GABRA3: variants seen among roughly 807,000 people sequenced by gnomAD.
The protein encoded by GABRA3 is gamma-aminobutyric acid type A receptor subunit alpha3, also known as gamma-aminobutyric acid receptor subunit alpha-3.
A neutral mutation model predicts 30.1 loss-of-function variants in GABRA3; 10 were observed. The observed-to-expected ratio is 0.33, with a 90% confidence interval of 0.20 to 0.56. GABRA3 has a LOEUF of 0.56. Among genes scored for constraint, GABRA3 ranks in the 20% least tolerant of loss-of-function variants. GABRA3 has a pLI of 0.89. For missense variants in GABRA3, 233 were observed against 392.0 expected (o/e 0.59, Z 3.42); for synonymous variants, 151 against 146.8 (o/e 1.03, Z -0.21).
chrX:152,347,432 G>A (rs1021881398), intron 2 of GABRA3, among the ~76,000 whole-genome samples: 1 of 111,435 alleles, frequency 9.0e-6, no homozygotes, highest in Non-Finnish European at 1.9e-5. Context: ...ATAGCACAAA[G>A]GGTGACATCA....
intron 9 of GABRA3, among the ~76,000 whole-genome samples, chrX:152,185,035 T>A (rs979927717): frequency 1.8e-5 from 2 of 112,321 alleles, no homozygotes; most frequent in Admixed American, 1.9e-4. Flanking sequence ...AGTTATATTA[T>A]TTTAAAACTG....
intron 4 of GABRA3, among the ~76,000 whole-genome samples, chrX:152,260,547 C>T (rs1265666054): frequency 9.0e-6 from 1 of 111,594 alleles, no homozygotes; most frequent in Non-Finnish European, 1.9e-5. Context: ...TAGGGAGAGA[C>T]TTAATTTGTT....
At chrX:152,224,466 C>T (rs1298161683) in intron 6 of GABRA3, among the ~76,000 whole-genome samples, 1 of 111,909 alleles carries the variant, frequency 8.9e-6, no homozygotes, top group Non-Finnish European at 1.9e-5. Context: ...CTGTCTTGCT[C>T]TGTCCTTTGG....
chrX:152,187,598 C>A (rs1937272300), intron 9 of GABRA3, among the ~76,000 whole-genome samples: 1 of 111,320 alleles, frequency 9.0e-6, no homozygotes, highest in Admixed American at 9.6e-5. Flanking sequence ...GAGGGATTTC[C>A]TGTGAACAAG....
chrX:152,235,154 T>C (rs1224405809), intron 5 of GABRA3, among the ~76,000 whole-genome samples: 1 of 111,798 alleles, frequency 8.9e-6, no homozygotes, highest in Non-Finnish European at 1.9e-5. Context: ...CATCGGTGTT[T>C]TGTAGTTTTC....
chrX:152,246,554 C>T (rs17221020), intron 5 of GABRA3, among the ~76,000 whole-genome samples: 2,707 of 111,419 alleles, frequency 0.024, 43 homozygotes, highest in Middle Eastern at 0.069. Context: ...TCCATTATGC[C>T]TTTTGGTACA....
chrX:152,364,194 T>G (rs1254896933), intron 2 of GABRA3, among the ~76,000 whole-genome samples: 1 of 111,438 alleles, frequency 9.0e-6, no homozygotes, highest in Non-Finnish European at 1.9e-5. Flanking sequence ...GAACTATTTT[T>G]AAGATATTAC....
intron 6 of GABRA3, among the ~76,000 whole-genome samples, chrX:152,210,998 T>G (rs1021167931): frequency 9.0e-6 from 1 of 111,410 alleles, no homozygotes; most frequent in Non-Finnish European, 1.9e-5. Context: ...TGTGCTCTCA[T>G]TTTTCCCCAG....
chrX:152,437,000 CAA>C (rs1930793605), intron 1 of GABRA3, among the ~76,000 whole-genome samples: 1 of 111,107 alleles, frequency 9.0e-6, no homozygotes, highest in African/African-American at 3.3e-5. Context: ...AATAAGAACA[CAA>C]ATATCCCAAT....
At chrX:152,194,728 C>T (rs889684441) in intron 8 of GABRA3, among the ~76,000 whole-genome samples, 4 of 110,929 alleles carry the variant, frequency 3.6e-5, no homozygotes, top group African/African-American at 1.3e-4. Flanking sequence ...ATCAAGTTTC[C>T]ATATATATGG....
chrX:152,389,415 G>C (rs1929415669), intron 1 of GABRA3: 1 of 111,537 alleles, frequency 9.0e-6, no homozygotes, highest in Non-Finnish European at 1.9e-5. Context: ...AAATGGCTTT[G>C]GTCCAGGAGC....
chrX:152,385,303 G>A (rs1929270414), intron 1 of GABRA3, among the ~76,000 whole-genome samples: 1 of 111,645 alleles, frequency 9.0e-6, no homozygotes, highest in Admixed American at 9.5e-5. Flanking sequence ...CAGGATAATT[G>A]TTAAAGCATG....
chrX:152,403,668 G>A lies in GABRA3; in HGVS notation c.-26-39072C>T, dbSNP rs181908258. ...GGAGTTAAAGAAAACTTGCTGAGGTGAGCCTGATATACTATACTTCTTAAC... is the reference window on the plus strand; with the variant it reads ...GGAGTTAAAGAAAACTTGCTGAGGTAAGCCTGATATACTATACTTCTTAAC... On this transcript the variant is annotated intron_variant, in intron 1 of 9. Coordinates refer to ENST00000370314, the MANE Select transcript of GABRA3 (RefSeq NM_000808.4). Among the ~76,000 whole-genome samples the A allele has an allele frequency of 4.0e-3, 440 of 110,079 alleles. 1 individual carries two copies. Among genetic ancestry groups the A allele is most frequent in the African/African-American group, 0.013 (404 of 30,225 alleles).
rs760103031 is a variant in GABRA3, at chrX:152,435,584, G to C, written c.-27+15562C>G. ...CATAGGGAGGGGAACATCACACACT[G>C]GGGCCTGTCAGGGGGTGGGGGGCTA... On this transcript the variant is annotated intron_variant, in intron 1 of 9. Transcript: ENST00000370314. Among the ~76,000 whole-genome samples, 432 of 107,364 alleles carry C rather than the reference G, an allele frequency of 4.0e-3. 3 individuals are homozygous for C. Among genetic ancestry groups the C allele is most frequent in the African/African-American group, 0.013 (395 of 29,295 alleles). 93.2% of individuals were successfully genotyped at this position (107,364 alleles called of 115,157 possible).
chrX:152,448,363 A>C (rs1050358463), intron 1 of GABRA3, among the ~76,000 whole-genome samples: 1 of 112,614 alleles, frequency 8.9e-6, no homozygotes, highest in Non-Finnish European at 1.9e-5. Context: ...GAAGCCTCTC[A>C]TAACTCTGAA....
intron 3 of GABRA3, among the ~76,000 whole-genome samples, chrX:152,320,365 T>C (rs1009163319): frequency 1.8e-5 from 2 of 111,914 alleles, no homozygotes; most frequent in Non-Finnish European, 3.8e-5. Context: ...TTGTCGTATA[T>C]ACATATACTA....
intron 4 of GABRA3, among the ~76,000 whole-genome samples, chrX:152,274,698 G>T (rs1323907578): frequency 9.1e-6 from 1 of 110,245 alleles, no homozygotes; most frequent in East Asian, 2.8e-4. Context: ...ATGGCTTAAA[G>T]ATAGCCTTTA....
At chrX:152,237,001 T>G (rs1258520922) in intron 5 of GABRA3, among the ~76,000 whole-genome samples, 1 of 107,756 alleles carries the variant, frequency 9.3e-6, no homozygotes, top group East Asian at 3.0e-4. Context: ...TTAGTTTAAT[T>G]AGATCCCATT....
intron 3 of GABRA3, among the ~76,000 whole-genome samples, chrX:152,329,525 C>A (rs1469205248): frequency 9.0e-6 from 1 of 111,379 alleles, no homozygotes; most frequent in Non-Finnish European, 1.9e-5. Context: ...CAGAACACAG[C>A]CCTCAGAAAT....
Sources: gnomAD v4.1 joint callset for allele counts (sites outside exome capture counted in the v4.1 genomes callset) on GRCh38, gnomAD v4.1.1 for gene constraint, MANE v1.5 for transcripts, NCBI Gene and HGNC (gene_info 2026-07-23, HGNC 2026-07-21) for gene names.